Variants in YEATS4 observed in about 807,000 individuals in gnomAD.
YEATS4 encodes the protein YEATS domain containing 4, also known as YEATS domain-containing protein 4.
A neutral mutation model predicts 30.1 loss-of-function variants in YEATS4; 17 were observed. The observed-to-expected ratio is 0.56, with a 90% CI of 0.39 to 0.85. The LOEUF is 0.85. Ranked by LOEUF, YEATS4 falls within the 40% of genes least tolerant of loss-of-function variation. The pLI is 0.00. For missense variants in YEATS4, 142 were observed against 268.3 expected, an observed-to-expected ratio of 0.53 and a Z score of 3.29; for synonymous variants, 85 against 87.5, an observed-to-expected ratio of 0.97 and a Z score of 0.16.
chr12:69,364,003 G>A (rs1468948616), intron 2 of YEATS4, among the ~76,000 whole-genome samples: 1 of 152,206 alleles, frequency 6.6e-6, no homozygotes, highest in African/African-American at 2.4e-5. Flanking sequence ...GAAATGTCCA[G>A]AAGGGGCAAA....
chr12:69,381,532 G>A (rs1391952775), intron 6 of YEATS4, among the ~76,000 whole-genome samples: 1 of 152,112 alleles, frequency 6.6e-6, no homozygotes, highest in Non-Finnish European at 1.5e-5. Flanking sequence ...CAAAGATGAC[G>A]GGATTAAGAG....
chr12:69,397,277 T>A, the YEATS4 span, among the ~76,000 whole-genome samples: 2,234 of 152,308 alleles, frequency 0.015, 15 homozygotes, highest in Non-Finnish European at 0.021. Flanking sequence ...TACCTCAGAC[T>A]GTGACTGTTT....
chr12:69,418,845 G>A, the YEATS4 span, among the ~76,000 whole-genome samples: 1 of 151,870 alleles, frequency 6.6e-6, no homozygotes, highest in African/African-American at 2.4e-5. Flanking sequence ...ATTTCTTGGG[G>A]GGCTAAGGCA....
chr12:69,417,915 A>G, the YEATS4 span, among the ~76,000 whole-genome samples: 1 of 151,858 alleles, frequency 6.6e-6, no homozygotes, highest in African/African-American at 2.4e-5. Context: ...CCTTAAAAAA[A>G]CTGCTGATGG....
the YEATS4 span, among the ~76,000 whole-genome samples, chr12:69,409,876 G>T: frequency 3.9e-3 from 589 of 152,152 alleles, 3 homozygotes; most frequent in African/African-American, 0.013. Context: ...ATAGAAATTT[G>T]AACACAGCCA....
chr12:69,384,638 C>G (rs187251684), intron 6 of YEATS4, among the ~76,000 whole-genome samples: 5 of 152,212 alleles, frequency 3.3e-5, no homozygotes, highest in Admixed American at 6.5e-5. Flanking sequence ...AATCAGCCAG[C>G]CTGTTTTTTG....
At chr12:69,386,366 A>G (rs1868251509) in intron 6 of YEATS4, among the ~76,000 whole-genome samples, 1 of 152,234 alleles carries the variant, frequency 6.6e-6, no homozygotes, top group Non-Finnish European at 1.5e-5. Context: ...TTACAGCTAT[A>G]CAGGACTCCT....
intron 6 of YEATS4, among the ~76,000 whole-genome samples, chr12:69,384,404 G>A (rs1876196643): frequency 6.6e-6 from 1 of 152,192 alleles, no homozygotes; most frequent in South Asian, 2.1e-4. Flanking sequence ...GTATGGAGCT[G>A]TATAACCTTG....
chr12:69,377,698 A>G (rs1341254302), intron 6 of YEATS4, among the ~76,000 whole-genome samples: 2 of 152,238 alleles, frequency 1.3e-5, no homozygotes, highest in East Asian at 1.9e-4. Context: ...GTCAGAGAAG[A>G]TACTTCACAT....
At chr12:69,414,030 A>G in the YEATS4 span, among the ~76,000 whole-genome samples, 4 of 152,224 alleles carry the variant, frequency 2.6e-5, no homozygotes, top group East Asian at 3.9e-4. Context: ...TCCCATTTGT[A>G]GATACATGAC....
chr12:69,410,180 C>G, the YEATS4 span, among the ~76,000 whole-genome samples: 1 of 152,174 alleles, frequency 6.6e-6, no homozygotes, highest in South Asian at 2.1e-4. Context: ...AGTTGTGCAA[C>G]CACTACCACA....
At chr12:69,362,010 G>GTTGTTTTTTTTTTTTT (rs1875230786) in intron 1 of YEATS4, among the ~76,000 whole-genome samples, 1 of 69,654 alleles carries the variant, frequency 1.4e-5, no homozygotes, top group African/African-American at 6.0e-5. Flanking sequence ...AGGGTGTTTG[G>GTTGTTTTTTTTTTTTT]TTGTTTTTTT....
In YEATS4 at chr12:69,359,900, C is replaced by G. The variant is rs1322980173; in HGVS notation, c.-73C>G. On this transcript the variant is annotated 5_prime_UTR_variant, in exon 1 of 7. Coordinates refer to ENST00000247843, the MANE Select transcript of YEATS4 (RefSeq NM_006530.4). ...TGGGCCCGCGCGACAGGAGCGCGGT[C>G]TCTGAGGGGAGCGGCGACCCCGCCA... The G allele has an allele frequency of 1.3e-6, 2 of 1,593,818 alleles. No homozygotes were observed. Among genetic ancestry groups the G allele is most frequent in the Non-Finnish European group, 1.7e-6 (2 of 1,165,332 alleles).
intron 6 of YEATS4, among the ~76,000 whole-genome samples, chr12:69,379,154 T>C (rs1875975840): frequency 6.6e-6 from 1 of 152,200 alleles, no homozygotes; most frequent in South Asian, 2.1e-4. Context: ...GTTACTTGTT[T>C]TTGTGTTTAT....
At chr12:69,401,201 T>C in the YEATS4 span, 1 of 146,756 alleles carries the variant, frequency 6.8e-6, no homozygotes, top group African/African-American at 2.5e-5. Flanking sequence ...CCTTGTCTCT[T>C]AAAAAAAAAA....
chr12:69,392,167 A>G (rs901530791), downstream of YEATS4, among the ~76,000 whole-genome samples: 2 of 152,208 alleles, frequency 1.3e-5, no homozygotes, highest in African/African-American at 4.8e-5. Flanking sequence ...TCATTAGGAA[A>G]ATGTGAAGTG....
intron 4 of YEATS4, among the ~76,000 whole-genome samples, chr12:69,369,467 G>A (rs1399358000): frequency 1.3e-5 from 2 of 152,158 alleles, no homozygotes; most frequent in Admixed American, 1.3e-4. Flanking sequence ...TCTTGTCTAT[G>A]AATGGAGAGA....
chr12:69,408,483 C>T, the YEATS4 span, among the ~76,000 whole-genome samples: 3 of 152,254 alleles, frequency 2.0e-5, no homozygotes, highest in Non-Finnish European at 2.9e-5. Flanking sequence ...TGCGCATGTG[C>T]GTGCGTGTGT....
the YEATS4 span, among the ~76,000 whole-genome samples, chr12:69,406,083 A>G: frequency 1.3e-5 from 2 of 152,342 alleles, no homozygotes; most frequent in East Asian, 1.9e-4. Flanking sequence ...TGCTACTACA[A>G]TCAGTGGTGT....
Sources: allele counts gnomAD v4.1 joint callset (sites outside exome capture counted in the v4.1 genomes callset), GRCh38; gene constraint gnomAD v4.1.1; transcripts MANE v1.5; gene names NCBI Gene and HGNC (gene_info 2026-07-23, HGNC 2026-07-21).